Variants in OR14A2 observed in about 807,000 individuals in gnomAD.
The protein encoded by OR14A2 is olfactory receptor family 14 subfamily A member 2.
For missense variants in OR14A2, 237 were observed against 152.9 expected, an observed-to-expected ratio of 1.55 and a Z score of -2.90; for synonymous variants, 114 against 58.6, an observed-to-expected ratio of 1.95 and a Z score of -4.32.
the OR14A2 span, among the ~76,000 whole-genome samples, chr1:247,731,432 A>G: frequency 6.6e-6 from 1 of 151,748 alleles, no homozygotes; most frequent in Non-Finnish European, 1.5e-5. Context: ...TAGTTTTACT[A>G]TTATTTATTT....
In OR14A2 at chr1:247,723,968, CATAT is replaced by C; in HGVS notation, c.72_75del (p.Tyr25ValfsTer6). 1 of 715,778 alleles carries C rather than the reference CATAT, an allele frequency of 1.4e-6. No homozygotes were observed. Among genetic ancestry groups the C allele is most frequent in the Admixed American group, 2.0e-5 (1 of 49,716 alleles). 44.3% of individuals were successfully genotyped at this position (715,778 alleles called of 1,614,324 possible). A position where few individuals can be genotyped will look rare whatever the true frequency, so the allele number is the denominator to read the frequency against. Reference sequence around the variant, plus strand: ...AGGTAAATCAGTAGGAAGAGCACACCATATAAAATCCGCAGCTTCTGGATATTAG... The same window carrying C: ...AGGTAAATCAGTAGGAAGAGCACACCAAAATCCGCAGCTTCTGGATATTAG... On this transcript the variant is annotated frameshift_variant, in exon 1 of 1. Coordinates refer to ENST00000366485, the Ensembl canonical transcript of OR14A2. LOFTEE classifies it low-confidence loss of function (END_TRUNC).
rs1431005826 is a variant in OR14A2, at chr1:247,723,741, TAA to T, written c.301_302del (p.Leu101AsnfsTer18). The stretch of plus-strand genomic sequence containing the variant: ...TCTCTCCTGCTGAGAAGGAAGTCAT[TAA>T]AAGTAGCTGGAAGGCACATCCTAGA... On this transcript the variant is annotated frameshift_variant, in exon 1 of 1. Transcript: ENST00000366485. LOFTEE classifies it low-confidence loss of function (END_TRUNC). The T allele has an allele frequency of 5.6e-6, 4 of 718,200 alleles. No individual in the cohort carries two copies. In the African/African-American group the frequency reaches 7.0e-5, roughly 13 times the overall value. 44.5% of individuals were successfully genotyped at this position (718,200 alleles called of 1,614,324 possible). A position where few individuals can be genotyped will look rare whatever the true frequency, so the allele number is the denominator to read the frequency against.
the OR14A2 span, among the ~76,000 whole-genome samples, chr1:247,740,702 C>T: frequency 1.3e-5 from 2 of 152,108 alleles, no homozygotes; most frequent in Admixed American, 6.6e-5. Flanking sequence ...GAATTGTTTT[C>T]TACTCCTTGC....
chr1:247,735,698 A>G, the OR14A2 span, among the ~76,000 whole-genome samples: 2 of 152,248 alleles, frequency 1.3e-5, no homozygotes, highest in Admixed American at 1.3e-4. Context: ...GACATCAAGC[A>G]GAGCTTGGAG....
chr1:247,742,197 T>C, the OR14A2 span, among the ~76,000 whole-genome samples: 7 of 152,230 alleles, frequency 4.6e-5, no homozygotes, highest in Non-Finnish European at 7.3e-5. Context: ...TACCATGTAA[T>C]TTTTATTTTA....
At chr1:247,744,585 C>T in the OR14A2 span, among the ~76,000 whole-genome samples, 1 of 152,032 alleles carries the variant, frequency 6.6e-6, no homozygotes, top group Non-Finnish European at 1.5e-5. The surrounding 1 kb of genome is among the most constrained non-coding windows in gnomAD (Gnocchi z 4.3). Context: ...AAGCAGATGC[C>T]GAATCAAAAT....
chr1:247,738,845 C>T, the OR14A2 span: 1 of 780,780 alleles, frequency 1.3e-6, no homozygotes, highest in Non-Finnish European at 2.4e-6. Flanking sequence ...CCACAGTCCC[C>T]AAATCCATCC....
At chr1:247,727,447 G>T (rs531167430), upstream of OR14A2, among the ~76,000 whole-genome samples, 21 of 152,136 alleles carry the variant, frequency 1.4e-4, no homozygotes, top group Middle Eastern at 3.4e-3. Flanking sequence ...AGACAATGGG[G>T]TTAATGCCCA....
upstream of OR14A2, among the ~76,000 whole-genome samples, chr1:247,725,620 C>T (rs370060346): frequency 6.9e-5 from 10 of 144,178 alleles, no homozygotes; most frequent in South Asian, 1.7e-3. Flanking sequence ...CATGCTGGTG[C>T]GCTGCACCCA....
At chr1:247,723,948 A>G (rs901104644) in exon 1 of OR14A2, 5 of 717,002 alleles carry the variant, frequency 7.0e-6, no homozygotes, top group African/African-American at 1.8e-5. Flanking sequence ...CTGCCAGGTA[A>G]ATCAGTAGGA....
the OR14A2 span, among the ~76,000 whole-genome samples, chr1:247,729,868 T>C: frequency 1.3e-5 from 2 of 152,052 alleles, no homozygotes; most frequent in African/African-American, 4.8e-5. Flanking sequence ...CAAAAAAAGA[T>C]TTGCTCATGT....
chr1:247,730,017 A>G, the OR14A2 span, among the ~76,000 whole-genome samples: 7 of 152,124 alleles, frequency 4.6e-5, no homozygotes, highest in Non-Finnish European at 7.4e-5. Flanking sequence ...GAATACTCCA[A>G]TGTAAATATA....
chr1:247,723,636 A>C (rs1660258811), exon 1 of OR14A2: 1 of 718,590 alleles, frequency 1.4e-6, no homozygotes, highest in Non-Finnish European at 2.6e-6. Flanking sequence ...CACAGACTCC[A>C]GTATTCATGA....
the OR14A2 span, chr1:247,739,629 A>C: frequency 3.1e-6 from 2 of 652,874 alleles, no homozygotes; most frequent in African/African-American, 3.6e-5. Flanking sequence ...GTTTAAAATT[A>C]TCTCTATTTT....
the OR14A2 span, among the ~76,000 whole-genome samples, chr1:247,735,614 A>C: frequency 6.6e-6 from 1 of 152,192 alleles, no homozygotes. Context: ...AGTCCCATAT[A>C]GTCAATGAAA....
chr1:247,735,147 G>A, the OR14A2 span, among the ~76,000 whole-genome samples: 127 of 152,210 alleles, frequency 8.3e-4, 4 homozygotes, highest in East Asian at 0.023. Context: ...GGCATCTCTC[G>A]TCATTTGTGA....
At chr1:247,724,922 T>G (rs112050413), upstream of OR14A2, among the ~76,000 whole-genome samples, 3,452 of 152,112 alleles carry the variant, frequency 0.023, 135 homozygotes, top group African/African-American at 0.079. Context: ...TTTCCCTCAA[T>G]TATTAGTTAC....
chr1:247,723,396 G>A (rs940875800), exon 1 of OR14A2: 2 of 717,574 alleles, frequency 2.8e-6, no homozygotes. Flanking sequence ...AGATATAAAT[G>A]TAAGAGATCA....
upstream of OR14A2, among the ~76,000 whole-genome samples, chr1:247,726,712 A>T: frequency 1.4e-5 from 2 of 146,544 alleles, no homozygotes; most frequent in East Asian, 2.0e-4. Flanking sequence ...TTTTTGTATA[A>T]GGTGTAAGGA....
Sources: allele counts gnomAD v4.1 joint callset (sites outside exome capture counted in the v4.1 genomes callset), GRCh38; gene constraint gnomAD v4.1.1; non-coding constraint Gnocchi (gnomAD v3.1); transcripts MANE v1.5; gene names NCBI Gene and HGNC (gene_info 2026-07-23, HGNC 2026-07-21).